Variants in TMEM135 observed in about 807,000 individuals in gnomAD.
TMEM135 encodes transmembrane protein 135, also known as peroxisomal membrane protein 52.
Under a neutral mutation model 60.3 loss-of-function variants are expected in TMEM135, and 30 were observed. The ratio of observed to expected loss-of-function variants is 0.50; its 90% CI spans 0.37 to 0.68. The LOEUF (loss-of-function observed/expected upper bound fraction) is 0.68, where lower values mean the gene tolerates loss of function less well. Ranked by LOEUF, TMEM135 falls within the 30% of genes least tolerant of loss-of-function variation. TMEM135 has a pLI of 0.00. For synonymous variants in TMEM135, 190 were observed against 186.7 expected (o/e 1.02, Z -0.14); for missense variants, 468 against 548.8 (o/e 0.85, Z 1.47).
chr11:87,183,074 T>C lies in TMEM135; in HGVS notation c.462+25668T>C, dbSNP rs137920299. On this transcript the variant is annotated intron_variant, in intron 5 of 14. Coordinates refer to ENST00000305494, the MANE Select transcript of TMEM135 (RefSeq NM_022918.4). ...GATTGAAGCTGAAAGCTCTACTGTA[T>C]CTGAATTGTAGCTGTCTAAATTACT... Among the ~76,000 whole-genome samples the C allele has an allele frequency of 2.8e-3, 418 of 151,890 alleles. 3 individuals carry two copies. Among genetic ancestry groups the C allele is most frequent in the African/African-American group, 9.6e-3 (400 of 41,492 alleles).
chr11:87,258,384 G>T (rs1359541397), intron 6 of TMEM135, among the ~76,000 whole-genome samples: 1 of 151,946 alleles, frequency 6.6e-6, no homozygotes, highest in East Asian at 1.9e-4. Flanking sequence ...TATACATAGG[G>T]ATTCATAGTG....
intron 5 of TMEM135, among the ~76,000 whole-genome samples, chr11:87,170,365 T>A (rs1939200589): frequency 6.6e-6 from 1 of 152,120 alleles, no homozygotes; most frequent in South Asian, 2.1e-4. Context: ...AGAAGAGGCA[T>A]TCTGGTTTTT....
At chr11:87,129,741 A>G (rs950674698) in intron 4 of TMEM135, among the ~76,000 whole-genome samples, 1 of 151,830 alleles carries the variant, frequency 6.6e-6, no homozygotes, top group South Asian at 2.1e-4. Flanking sequence ...TGGTTTTGCC[A>G]TGTTAGCCAT....
chr11:87,210,577 A>C (rs1274726051), intron 5 of TMEM135, among the ~76,000 whole-genome samples: 1 of 152,180 alleles, frequency 6.6e-6, no homozygotes, highest in Non-Finnish European at 1.5e-5. Flanking sequence ...GGTAAATTCT[A>C]TTAGACATAC....
intron 3 of TMEM135, among the ~76,000 whole-genome samples, chr11:87,081,069 A>C (rs1288548581): frequency 1.3e-5 from 2 of 150,350 alleles, no homozygotes; most frequent in Admixed American, 6.7e-5. Context: ...GTTAATTTCA[A>C]ACATCTGTGT....
At chr11:87,046,652 G>C (rs753677982) in intron 1 of TMEM135, among the ~76,000 whole-genome samples, 1 of 152,192 alleles carries the variant, frequency 6.6e-6, no homozygotes, top group Non-Finnish European at 1.5e-5. Context: ...TGAGGCTAGA[G>C]ATTTAGGTTT....
chr11:87,137,474 T>A (rs1938133846), intron 4 of TMEM135, among the ~76,000 whole-genome samples: 1 of 152,170 alleles, frequency 6.6e-6, no homozygotes, highest in African/African-American at 2.4e-5. Context: ...TAAAAAAATT[T>A]ATGATAATTA....
chr11:87,223,374 G>T (rs1940690341), intron 5 of TMEM135, among the ~76,000 whole-genome samples: 1 of 151,468 alleles, frequency 6.6e-6, no homozygotes, highest in Non-Finnish European at 1.5e-5. Flanking sequence ...GTTTCACCGT[G>T]TTAGCCAGGA....
intron 5 of TMEM135, among the ~76,000 whole-genome samples, chr11:87,217,191 G>T (rs1940520199): frequency 2.0e-5 from 3 of 152,168 alleles, no homozygotes. Flanking sequence ...GTGTGATCCA[G>T]GGCTGAGCTC....
At chr11:87,189,101 T>A (rs1349498188) in intron 5 of TMEM135, among the ~76,000 whole-genome samples, 3 of 151,952 alleles carry the variant, frequency 2.0e-5, no homozygotes, top group African/African-American at 7.3e-5. Context: ...CCTTTTCCGT[T>A]TCCCTTTTCC....
chr11:87,044,948 T>C (rs1175363309), intron 1 of TMEM135, among the ~76,000 whole-genome samples: 1 of 147,288 alleles, frequency 6.8e-6, no homozygotes. Context: ...CGCCCGGCCG[T>C]CATGTGGTCT....
At position 87,324,841 on chromosome 11, in the gene TMEM135, C is replaced by T. The variant is rs1037781440; in HGVS notation, c.*3508C>T. On this transcript the variant is annotated 3_prime_UTR_variant, in exon 15 of 15. Transcript: ENST00000305494. Reference sequence around the variant, plus strand: ...TACTAAGATATCTTATAAACATTCTCTCTCCTAACACCTCCTTCTAGTAAT... The same window carrying T: ...TACTAAGATATCTTATAAACATTCTTTCTCCTAACACCTCCTTCTAGTAAT... The T allele has an allele frequency of 3.3e-5, 15 of 453,748 alleles. No individual in the cohort carries two copies. The highest frequency in any genetic ancestry group is 3.0e-4 in the African/African-American group (15 of 49,942). The allele number at this position is 453,748 out of a possible 1,614,324, so 28.1% of individuals were successfully genotyped here. A position where few individuals can be genotyped will look rare whatever the true frequency, so the allele number is the denominator to read the frequency against.
chr11:87,139,436 C>T (rs1019905414), intron 4 of TMEM135, among the ~76,000 whole-genome samples: 6 of 152,090 alleles, frequency 3.9e-5, no homozygotes, highest in Non-Finnish European at 7.4e-5. Context: ...CCTCTTTCCC[C>T]TTTGCGGTTT....
intron 6 of TMEM135, chr11:87,258,940 T>A (rs550976997): frequency 6.8e-7 from 1 of 1,462,944 alleles, no homozygotes. Flanking sequence ...CTGCTGCAGT[T>A]GCTGCTGTTG....
chr11:87,168,876 G>C (rs376031657), intron 5 of TMEM135, among the ~76,000 whole-genome samples: 2 of 151,840 alleles, frequency 1.3e-5, no homozygotes, highest in African/African-American at 4.8e-5. Flanking sequence ...TTTCTGTCTC[G>C]TTGATCTAAT....
intron 6 of TMEM135, among the ~76,000 whole-genome samples, chr11:87,252,808 G>C (rs1459977506): frequency 6.6e-6 from 1 of 150,716 alleles, no homozygotes; most frequent in African/African-American, 2.4e-5. Flanking sequence ...ATGTGTGTGT[G>C]TGTGTGTGTG....
At chr11:87,205,016 A>G (rs993556195) in intron 5 of TMEM135, among the ~76,000 whole-genome samples, 2 of 152,182 alleles carry the variant, frequency 1.3e-5, no homozygotes, top group Admixed American at 6.5e-5. Flanking sequence ...TTTGTAAACT[A>G]TTGCACTTTT....
rs1373801179 is a variant in TMEM135, at chr11:87,323,715, C to G, written c.*2382C>G. On this transcript the variant is annotated 3_prime_UTR_variant, in exon 15 of 15. Coordinates refer to ENST00000305494, the MANE Select transcript of TMEM135 (RefSeq NM_022918.4). ...TGCTATTTTCTGTTTTAATAAAATCCTAGAACTAGTAGCAACCGAGTAAAG... is the reference window on the plus strand; with the variant it reads ...TGCTATTTTCTGTTTTAATAAAATCGTAGAACTAGTAGCAACCGAGTAAAG... The G allele has an allele frequency of 2.2e-6, 1 of 453,442 alleles. No individual in the cohort carries two copies. Among genetic ancestry groups the G allele is most frequent in the Admixed American group, 2.4e-5 (1 of 42,492 alleles). The allele number at this position is 453,442 out of a possible 1,614,324, so 28.1% of individuals were successfully genotyped here. A position where few individuals can be genotyped will look rare whatever the true frequency, so the allele number is the denominator to read the frequency against.
chr11:87,147,896 T>G (rs1295753990), intron 4 of TMEM135, among the ~76,000 whole-genome samples: 1 of 152,194 alleles, frequency 6.6e-6, no homozygotes, highest in Non-Finnish European at 1.5e-5. Context: ...TAGCCAGGAC[T>G]ACAGGCACGC....
Sources: gnomAD v4.1 joint callset for allele counts (sites outside exome capture counted in the v4.1 genomes callset) on GRCh38, gnomAD v4.1.1 for gene constraint, MANE v1.5 for transcripts, NCBI Gene and HGNC (gene_info 2026-07-23, HGNC 2026-07-21) for gene names.